CMSS1: variants seen among roughly 807,000 people sequenced by gnomAD.
CMSS1 encodes the protein cms1 ribosomal small subunit homolog.
A neutral mutation model predicts 43.5 loss-of-function variants in CMSS1; 33 were observed. The observed-to-expected ratio is 0.76, with a 90% CI of 0.57 to 1.01. CMSS1 has a LOEUF of 1.01. Among genes scored for constraint, CMSS1 ranks in the 50% least tolerant of loss-of-function variants. The pLI is 0.00. For missense variants in CMSS1, 313 were observed against 326.4 expected (o/e 0.96, Z 0.32); for synonymous variants, 115 against 117.2 (o/e 0.98, Z 0.12).
rs547407141 is a variant in CMSS1, at chr3:99,849,721, G to A, written c.64+31678G>A. On this transcript the variant is annotated intron_variant, in intron 1 of 9. Transcript: ENST00000421999. Reference sequence around the variant, plus strand: ...TTCTAGAGTCTCATATTCATCTTCTGTTTTCATGAGGTCATCCTCAATGGC... The same window carrying A: ...TTCTAGAGTCTCATATTCATCTTCTATTTTCATGAGGTCATCCTCAATGGC... The A allele has an allele frequency of 6.5e-5, 105 of 1,613,482 alleles. No individual in the cohort carries two copies. The highest frequency in any genetic ancestry group is 1.7e-5 in the Admixed American group (1 of 59,976).
chr3:99,954,617 G>A lies in CMSS1; in HGVS notation c.64+136574G>A, dbSNP rs183531772. ...GAGGCAGGTGGATTACTTAAGGTCAGGAGTTCGAGACCAGCCTGACCAACA... is the reference window on the plus strand; with the variant it reads ...GAGGCAGGTGGATTACTTAAGGTCAAGAGTTCGAGACCAGCCTGACCAACA... On this transcript the variant is annotated intron_variant, in intron 1 of 9. Transcript: ENST00000421999. Among the ~76,000 whole-genome samples, 473 of 152,264 alleles carry A rather than the reference G, an allele frequency of 3.1e-3. 4 individuals are homozygous for A. The highest frequency in any genetic ancestry group is 0.011 in the African/African-American group (445 of 41,540).
chr3:99,898,875 A>G (rs1267269521), intron 1 of CMSS1: 1 of 152,184 alleles, frequency 6.6e-6, no homozygotes, highest in African/African-American at 2.4e-5. Flanking sequence ...AAGAAGGTAC[A>G]ATTGAATGAG....
At chr3:99,966,609 G>A (rs1006346093) in intron 1 of CMSS1, among the ~76,000 whole-genome samples, 1 of 152,018 alleles carries the variant, frequency 6.6e-6, no homozygotes, top group Non-Finnish European at 1.5e-5. Flanking sequence ...AGAACCCTTC[G>A]CTCTGTATAT....
At chr3:99,999,697 G>A (rs1486704806) in intron 1 of CMSS1, among the ~76,000 whole-genome samples, 1 of 152,064 alleles carries the variant, frequency 6.6e-6, no homozygotes, top group Non-Finnish European at 1.5e-5. Flanking sequence ...TTTATGATTT[G>A]CCAGAAGTTC....
At chr3:100,112,078 A>G (rs190455163) in intron 1 of CMSS1, among the ~76,000 whole-genome samples, 3 of 152,348 alleles carry the variant, frequency 2.0e-5, no homozygotes, top group Non-Finnish European at 2.9e-5. Context: ...GAATGAACAA[A>G]TGAGCAAACA....
intron 1 of CMSS1, among the ~76,000 whole-genome samples, chr3:99,870,389 T>G (rs902356795): frequency 2.0e-5 from 3 of 152,240 alleles, no homozygotes; most frequent in African/African-American, 7.2e-5. Context: ...TTTATAAGCA[T>G]TCTCCCACAT....
At chr3:99,995,432 G>T (rs1709650207) in intron 1 of CMSS1, among the ~76,000 whole-genome samples, 1 of 152,136 alleles carries the variant, frequency 6.6e-6, no homozygotes, top group Admixed American at 6.5e-5. Flanking sequence ...TCATTGGCTG[G>T]CCTTGAGTAT....
chr3:100,016,443 G>A (rs761359282), intron 1 of CMSS1, among the ~76,000 whole-genome samples: 3 of 152,114 alleles, frequency 2.0e-5, no homozygotes, highest in African/African-American at 7.2e-5. Context: ...CACCCACCTC[G>A]GAAAGTGCTG....
chr3:99,923,654 G>A (rs1020386968), intron 1 of CMSS1, among the ~76,000 whole-genome samples: 7 of 152,110 alleles, frequency 4.6e-5, no homozygotes, highest in East Asian at 3.9e-4. Context: ...AGTTTCCTGC[G>A]CCCAGTCTAA....
chr3:100,139,178 C>G (rs2066781156), intron 1 of CMSS1, among the ~76,000 whole-genome samples: 1 of 152,054 alleles, frequency 6.6e-6, no homozygotes, highest in South Asian at 2.1e-4. Flanking sequence ...CCATCACACA[C>G]CAGGGCCTGT....
Position 99,937,692 on chromosome 3 carries a change from G to A in CMSS1, c.64+119649G>A, listed in dbSNP as rs74655957. On this transcript the variant is annotated intron_variant, in intron 1 of 9. Transcript: ENST00000421999. ...TTGGACCTCAGCAGGGATTTATTGAGTGATTGAATCATGCAGTCCTCAGCA... is the reference window on the plus strand; with the variant it reads ...TTGGACCTCAGCAGGGATTTATTGAATGATTGAATCATGCAGTCCTCAGCA... Among the ~76,000 whole-genome samples the A allele has an allele frequency of 2.0e-5, 3 of 152,322 alleles. No homozygotes were observed. In the East Asian group the frequency reaches 5.8e-4, roughly 29 times the overall value.
intron 1 of CMSS1, among the ~76,000 whole-genome samples, chr3:99,972,704 G>A (rs981407708): frequency 6.6e-6 from 1 of 152,168 alleles, no homozygotes; most frequent in Non-Finnish European, 1.5e-5. Flanking sequence ...GAACTGCATG[G>A]GAAAGCCAGA....
intron 1 of CMSS1, among the ~76,000 whole-genome samples, chr3:99,827,308 C>T (rs948503837): frequency 1.3e-5 from 2 of 152,144 alleles, no homozygotes; most frequent in Non-Finnish European, 2.9e-5. Flanking sequence ...TCTCGTGCCT[C>T]AGCCTCCTGA....
At chr3:100,135,352 C>T (rs546966103) in intron 1 of CMSS1, among the ~76,000 whole-genome samples, 11 of 151,712 alleles carry the variant, frequency 7.3e-5, no homozygotes, top group Non-Finnish European at 1.5e-5. Context: ...GGATTGGGAG[C>T]TTTAACATTG....
intron 1 of CMSS1, among the ~76,000 whole-genome samples, chr3:100,066,281 A>G (rs2065661795): frequency 6.6e-6 from 1 of 152,196 alleles, no homozygotes; most frequent in South Asian, 2.1e-4. Flanking sequence ...ATGAGAGTCA[A>G]TCACTCATTT....
intron 8 of CMSS1, among the ~76,000 whole-genome samples, chr3:100,172,622 A>C (rs2067120227): frequency 6.6e-6 from 1 of 152,190 alleles, no homozygotes; most frequent in Admixed American, 6.6e-5. Context: ...GCCCACCTAA[A>C]CAGAGTCAAA....
At chr3:100,038,884 C>T (rs367863088) in intron 1 of CMSS1, among the ~76,000 whole-genome samples, 10 of 152,070 alleles carry the variant, frequency 6.6e-5, no homozygotes, top group African/African-American at 1.7e-4. Flanking sequence ...TTGTCTATAT[C>T]GTATGCTACC....
At chr3:99,894,194 T>G (rs1296024325) in intron 1 of CMSS1, among the ~76,000 whole-genome samples, 2 of 152,234 alleles carry the variant, frequency 1.3e-5, no homozygotes, top group Non-Finnish European at 2.9e-5. Flanking sequence ...GGAGATAGGA[T>G]GGTTAAAAAC....
chr3:99,967,207 C>T (rs1363072286), intron 1 of CMSS1, among the ~76,000 whole-genome samples: 1 of 152,228 alleles, frequency 6.6e-6, no homozygotes, highest in African/African-American at 2.4e-5. Flanking sequence ...AGCCCCACCT[C>T]TGACTTTGAG....
Sources: allele counts gnomAD v4.1 joint callset (sites outside exome capture counted in the v4.1 genomes callset), GRCh38; gene constraint gnomAD v4.1.1; transcripts MANE v1.5; gene names NCBI Gene and HGNC (gene_info 2026-07-23, HGNC 2026-07-21).